Variants in LOC122539214 observed in about 807,000 individuals in gnomAD.
the LOC122539214 span, among the ~76,000 whole-genome samples, chr19:52,676,812 G>T: frequency 4.5e-5 from 6 of 132,696 alleles, no homozygotes; most frequent in Non-Finnish European, 7.8e-5. Flanking sequence ...GGATCCTGTT[G>T]ATCTGTGACC....
chr19:52,662,980 C>G, the LOC122539214 span, among the ~76,000 whole-genome samples: 9 of 151,882 alleles, frequency 5.9e-5, no homozygotes, highest in Non-Finnish European at 1.2e-4. Context: ...CTGGGCAACA[C>G]GGTGAAATCC....
At chr19:52,687,314 C>T in the LOC122539214 span, among the ~76,000 whole-genome samples, 1 of 135,436 alleles carries the variant, frequency 7.4e-6, no homozygotes, top group Non-Finnish European at 1.5e-5. Context: ...TTTAAAACCC[C>T]GTTTTACAAT....
At chr19:52,677,329 A>T in the LOC122539214 span, among the ~76,000 whole-genome samples, 88,559 of 129,136 alleles carry the variant, frequency 0.69, 30,840 homozygotes, top group African/African-American at 0.85. Context: ...AAAAAAAAAA[A>T]ACAAAAATTA....
At chr19:52,659,945 G>C in the LOC122539214 span, among the ~76,000 whole-genome samples, 6 of 152,062 alleles carry the variant, frequency 3.9e-5, no homozygotes, top group South Asian at 2.1e-4. Context: ...GTAATCCCAC[G>C]ACCTTGGGAG....
chr19:52,653,788 T>G, the LOC122539214 span, among the ~76,000 whole-genome samples: 3 of 152,226 alleles, frequency 2.0e-5, no homozygotes. Flanking sequence ...TTGCTTTTGA[T>G]GAAACACTTT....
chr19:52,663,509 T>C, the LOC122539214 span, among the ~76,000 whole-genome samples: 1 of 152,200 alleles, frequency 6.6e-6, no homozygotes, highest in African/African-American at 2.4e-5. Context: ...ACTTAGAGGC[T>C]CACAGCTCAC....
At chr19:52,680,880 G>A in the LOC122539214 span, among the ~76,000 whole-genome samples, 1 of 151,444 alleles carries the variant, frequency 6.6e-6, no homozygotes, top group South Asian at 2.1e-4. Flanking sequence ...CCAAAGTGCT[G>A]GGATTACAGG....
the LOC122539214 span, among the ~76,000 whole-genome samples, chr19:52,673,086 G>A: frequency 6.6e-6 from 1 of 152,276 alleles, no homozygotes; most frequent in East Asian, 1.9e-4. Flanking sequence ...ATGTGAGCCT[G>A]TAATCCCAGC....
the LOC122539214 span, among the ~76,000 whole-genome samples, chr19:52,675,268 C>T: frequency 6.6e-6 from 1 of 152,200 alleles, no homozygotes; most frequent in Non-Finnish European, 1.5e-5. Context: ...CCCCAATTTG[C>T]ATGTACGGTA....
chr19:52,681,188 G>A, the LOC122539214 span, among the ~76,000 whole-genome samples: 9 of 147,228 alleles, frequency 6.1e-5, no homozygotes, highest in African/African-American at 2.2e-4. Context: ...AGGAAGCTGA[G>A]GTAGGAGAAT....
At chr19:52,654,040 T>C in the LOC122539214 span, 1 of 1,581,902 alleles carries the variant, frequency 6.3e-7, no homozygotes, top group Non-Finnish European at 8.7e-7. Context: ...GGAAGCATTG[T>C]TGATAGACTT....
At chr19:52,687,374 T>C in the LOC122539214 span, among the ~76,000 whole-genome samples, 2 of 19,084 alleles carry the variant, frequency 1.0e-4, no homozygotes, top group Admixed American at 7.4e-4. Flanking sequence ...ATAATATAAA[T>C]TATAATTTAT....
the LOC122539214 span, among the ~76,000 whole-genome samples, chr19:52,686,173 G>T: frequency 2.0e-5 from 3 of 152,034 alleles, no homozygotes; most frequent in Admixed American, 2.0e-4. Flanking sequence ...TTCTGTATGA[G>T]GTACCAAAGT....
chr19:52,676,045 C>G, the LOC122539214 span, among the ~76,000 whole-genome samples: 10 of 152,232 alleles, frequency 6.6e-5, no homozygotes, highest in African/African-American at 2.2e-4. Context: ...AGCTCTCGCT[C>G]TCCCTCTCCC....
At chr19:52,673,188 GA>G in the LOC122539214 span, among the ~76,000 whole-genome samples, 1 of 151,926 alleles carries the variant, frequency 6.6e-6, no homozygotes, top group African/African-American at 2.4e-5. Context: ...CAGACTGTGC[GA>G]AAGAGCTGGA....
chr19:52,683,013 G>C, the LOC122539214 span, among the ~76,000 whole-genome samples: 2 of 152,110 alleles, frequency 1.3e-5, no homozygotes, highest in South Asian at 4.1e-4. Context: ...TGAGATTATA[G>C]GCATGTGCCA....
chr19:52,688,950 G>GAA, the LOC122539214 span, among the ~76,000 whole-genome samples: 114 of 126,776 alleles, frequency 9.0e-4, no homozygotes, highest in South Asian at 0.011. Context: ...AAGGTTGAAG[G>GAA]AAAAAAAAAA....
At chr19:52,659,973 A>G in the LOC122539214 span, among the ~76,000 whole-genome samples, 7 of 152,098 alleles carry the variant, frequency 4.6e-5, no homozygotes, top group African/African-American at 1.7e-4. Context: ...CGGGCAGATC[A>G]TGAGGTCAGG....
the LOC122539214 span, among the ~76,000 whole-genome samples, chr19:52,671,569 A>G: frequency 6.6e-6 from 1 of 151,972 alleles, no homozygotes; most frequent in East Asian, 1.9e-4. Context: ...ACACCTCCCA[A>G]CTAGCTGGAG....
Sources: allele counts gnomAD v4.1 joint callset (sites outside exome capture counted in the v4.1 genomes callset), GRCh38; gene constraint gnomAD v4.1.1; transcripts MANE v1.5.